KRT18: variants seen among roughly 807,000 people sequenced by gnomAD.
KRT18 encodes the protein keratin, type I cytoskeletal 18.
Under a neutral mutation model 39.9 loss-of-function variants are expected in KRT18, and 8 were observed. That is an observed-to-expected ratio of 0.20 (90% confidence interval 0.12 to 0.36). The LOEUF (loss-of-function observed/expected upper bound fraction) is 0.36, where lower values mean the gene tolerates loss of function less well. KRT18 is among the 10% of genes least tolerant of loss of function. The probability of loss-of-function intolerance (pLI) is 1.00; values close to 1 mark genes in which losing one functional copy is unlikely to be tolerated. For missense variants in KRT18, 396 were observed against 565.7 expected, an observed-to-expected ratio of 0.70 and a Z score of 3.04; for synonymous variants, 194 against 227.8, an observed-to-expected ratio of 0.85 and a Z score of 1.33.
rs1188380011 is a variant in KRT18 at position 52,949,430 on chromosome 12, G to C, written c.257G>C (p.Ser86Thr). 1 of 1,612,800 alleles carries C rather than the reference G, an allele frequency of 6.2e-7. No individual in the cohort carries two copies. Among genetic ancestry groups the C allele is most frequent in the Non-Finnish European group, 8.5e-7 (1 of 1,180,056 alleles). The change falls in exon 1 of 7, where the codon AGC becomes ACC. Residue 86 changes from serine to threonine, a missense_variant. Ser to Thr is a moderately conservative substitution (Grantham distance 58). Coordinates refer to ENST00000388835, the MANE Select transcript of KRT18 (RefSeq NM_000224.3). ...CAGAACGAGAAGGAGACCATGCAAA[G>C]CCTGAACGACCGCCTGGCCTCTTAC... ...GIQNEKETMQ[S>T]LNDRLASYLD...
intron 6 of KRT18, 74 bp downstream of exon 6, chr12:52,952,416 G>A: frequency 9.3e-7 from 1 of 1,072,378 alleles, no homozygotes; most frequent in Non-Finnish European, 1.4e-6. Context: ...GCTTTTGGAA[G>A]CACCCCATGT....
Position 52,949,259 on chromosome 12 carries a change from T to C in KRT18, c.86T>C (p.Val29Ala), listed in dbSNP as rs1942418545. Residue 29 changes from valine to alanine, a missense_variant, in exon 1 of 7, where the codon GTC becomes GCC. Val to Ala is a moderately conservative substitution (Grantham distance 64). Coordinates refer to ENST00000388835, the MANE Select transcript of KRT18 (RefSeq NM_000224.3). ...VQAPSYGARPVSSAASVYAGA... is the reference protein window; with the variant it reads ...VQAPSYGARPASSAASVYAGA... ...GCGCCCAGCTACGGCGCCCGGCCGG[T>C]CAGCAGCGCGGCCAGCGTCTATGCA... The C allele has an allele frequency of 1.2e-6, 2 of 1,611,130 alleles. No individual in the cohort carries two copies. Among genetic ancestry groups the C allele is most frequent in the Non-Finnish European group, 1.7e-6 (2 of 1,179,822 alleles).
intron 2 of KRT18, 68 bp downstream of exon 2, chr12:52,950,478 G>C: frequency 8.8e-7 from 1 of 1,134,918 alleles, no homozygotes; most frequent in South Asian, 1.2e-5. Context: ...CCCCAGGCTG[G>C]GTCAGTTAGG....
rs764524275 is a variant in KRT18, at chr12:52,952,839, T to C, written c.1290T>C (p.His430=). Residue 430 remains histidine (H), a synonymous_variant, in exon 7 of 7, where the codon CAT becomes CAC. Coordinates refer to ENST00000388835, the MANE Select transcript of KRT18 (RefSeq NM_000224.3). The part of the protein sequence containing the change: ...SETNDTKVLR[H] ...CCAATGACACCAAAGTTCTGAGGCA[T>C]TAAGCCAGCAGAAGCAGGGTACCCT... The C allele has an allele frequency of 1.2e-6, 2 of 1,607,974 alleles. No individual in the cohort carries two copies. Among genetic ancestry groups the C allele is most frequent in the East Asian group, 4.5e-5 (2 of 44,882 alleles).
chr12:52,951,568 A>G lies in KRT18; in HGVS notation c.745A>G (p.Met249Val), dbSNP rs1037179254. The change falls in exon 4 of 7, where the codon ATG (methionine) becomes GTG (valine). Residue 249 changes from methionine to valine, a missense_variant. Met to Val is a conservative substitution (Grantham distance 21). Coordinates refer to ENST00000388835, the MANE Select transcript of KRT18 (RefSeq NM_000224.3). ...CAAATCTCAGGACCTCGCCAAGATC[A>G]TGGCAGACATCCGGGCCCAATATGA... ...APKSQDLAKIMADIRAQYDEL... is the reference protein window; with the variant it reads ...APKSQDLAKIVADIRAQYDEL... The G allele has an allele frequency of 6.2e-7, 1 of 1,614,168 alleles. No individual in the cohort carries two copies. The highest frequency in any genetic ancestry group is 8.5e-7 in the Non-Finnish European group (1 of 1,180,020).
chr12:52,951,275 G>T (rs1439263305), intron 3 of KRT18, among the ~76,000 whole-genome samples: 1 of 152,178 alleles, frequency 6.6e-6, no homozygotes, highest in East Asian at 1.9e-4. Flanking sequence ...ACAGGGTGAA[G>T]TTACAGAGAA....
Position 52,949,125 on chromosome 12 carries a change from C to T in KRT18, c.-49C>T, listed in dbSNP as rs1430428555. On this transcript the variant is annotated 5_prime_UTR_variant, in exon 1 of 7. Coordinates refer to ENST00000388835, the MANE Select transcript of KRT18 (RefSeq NM_000224.3). ...GTCGCGCGGCTCGCGCAGGCCGCCACCGTCGTCCGCAAAGCCTGAGTCCTG... is the reference window on the plus strand; with the variant it reads ...GTCGCGCGGCTCGCGCAGGCCGCCATCGTCGTCCGCAAAGCCTGAGTCCTG... 2.2e-6 allele frequency: 3 copies of T among 1,353,416 alleles called. No individual in the cohort carries two copies. The highest frequency in any genetic ancestry group is 3.0e-5 in the East Asian group (1 of 32,920). The allele number at this position is 1,353,416 out of a possible 1,614,324, so 83.8% of individuals were successfully genotyped here.
Position 52,951,052 on chromosome 12 carries a change from G to A in KRT18, c.657+146G>A, listed in dbSNP as rs566008498. 314 of 736,558 alleles carry A rather than the reference G, an allele frequency of 4.3e-4. 1 individual carries two copies. In the African/African-American group the frequency reaches 5.2e-3, roughly 12 times the overall value. The allele number at this position is 736,558 out of a possible 1,614,324, so 45.6% of individuals were successfully genotyped here. On this transcript the variant is annotated intron_variant, in intron 3 of 6. Coordinates refer to ENST00000388835, the MANE Select transcript of KRT18 (RefSeq NM_000224.3). Reference sequence around the variant, plus strand: ...GGCTCTTCTTAAATAAGACCGTTCTGATGAAGAGCATTCTCAGGGGGTCGA... The same window carrying A: ...GGCTCTTCTTAAATAAGACCGTTCTAATGAAGAGCATTCTCAGGGGGTCGA...
chr12:52,952,165 C>A lies in KRT18; in HGVS notation c.995C>A (p.Ala332Asp). Residue 332 changes from alanine (A) to aspartate (D), a missense_variant, in exon 6 of 7, where the codon GCC (alanine) becomes GAC (aspartate). By Grantham distance (126) the Ala-to-Asp change is moderately radical. Coordinates refer to ENST00000388835, the MANE Select transcript of KRT18 (RefSeq NM_000224.3). ...CTGAGGGAGGTGGAGGCCCGCTACG[C>A]CCTACAGATGGAGCAGCTCAACGGG... ...NSLREVEARYALQMEQLNGIL... is the reference protein window; with the variant it reads ...NSLREVEARYDLQMEQLNGIL... The A allele has an allele frequency of 6.3e-7, 1 of 1,579,082 alleles. No individual in the cohort carries two copies. Among genetic ancestry groups the A allele is most frequent in the Non-Finnish European group, 8.6e-7 (1 of 1,162,400 alleles).
intron 1 of KRT18, 135 bp from the exon 2 acceptor site, chr12:52,950,192 AG>A (rs1863034698): frequency 1.3e-6 from 1 of 767,830 alleles, no homozygotes; most frequent in African/African-American, 1.7e-5. Context: ...GAAAAGGGAT[AG>A]GTGTCCAGGG....
In KRT18 at chr12:52,949,441, C is replaced by G; in HGVS notation, c.268C>G (p.Arg90Gly). The stretch of plus-strand genomic sequence containing the variant: ...GGAGACCATGCAAAGCCTGAACGAC[C>G]GCCTGGCCTCTTACCTGGACAGAGT... Reference protein sequence around the residue: ...EKETMQSLNDRLASYLDRVRS... With the variant: ...EKETMQSLNDGLASYLDRVRS... The change falls in exon 1 of 7, where the codon CGC becomes GGC. Residue 90 changes from arginine to glycine, a missense_variant. By Grantham distance (125) the Arg-to-Gly change is moderately radical. Coordinates refer to ENST00000388835, the MANE Select transcript of KRT18 (RefSeq NM_000224.3). The G allele has an allele frequency of 6.6e-7, 1 of 1,520,288 alleles. No individual in the cohort carries two copies. 94.2% of individuals were successfully genotyped at this position (1,520,288 alleles called of 1,614,324 possible). A position where few individuals can be genotyped will look rare whatever the true frequency, so the allele number is the denominator to read the frequency against.
chr12:52,951,396 C>T (rs976690989), intron 3 of KRT18, 85 bp from the exon 4 acceptor site: 3 of 1,367,472 alleles, frequency 2.2e-6, no homozygotes, highest in African/African-American at 2.9e-5. Context: ...AACTGTAGGC[C>T]TCCTAGAAGA....
chr12:52,952,155 G>A lies in KRT18; in HGVS notation c.985G>A (p.Ala329Thr). The A allele has an allele frequency of 1.3e-6, 2 of 1,570,452 alleles. No individual in the cohort carries two copies. The highest frequency in any genetic ancestry group is 1.7e-6 in the Non-Finnish European group (2 of 1,157,538). ...GGAGAACAGCCTGAGGGAGGTGGAGGCCCGCTACGCCCTACAGATGGAGCA... is the reference window on the plus strand; with the variant it reads ...GGAGAACAGCCTGAGGGAGGTGGAGACCCGCTACGCCCTACAGATGGAGCA... ...SLENSLREVE[A>T]RYALQMEQLN... The change falls in exon 6 of 7, where the codon GCC becomes ACC. Residue 329 changes from alanine (A) to threonine (T), a missense_variant. Coordinates refer to ENST00000388835, the MANE Select transcript of KRT18 (RefSeq NM_000224.3).
intron 6 of KRT18, 112 bp downstream of exon 6, chr12:52,952,454 T>G: frequency 2.4e-6 from 2 of 840,278 alleles, no homozygotes; most frequent in South Asian, 2.9e-5. Context: ...CACTGAGCAC[T>G]GGGCCGTTGC....
upstream of KRT18, chr12:52,948,901 C>A: frequency 2.3e-6 from 1 of 434,382 alleles, no homozygotes; most frequent in South Asian, 8.4e-5. Context: ...CACCTGCTGT[C>A]CGTGTCCATG....
chr12:52,951,921 A>C, intron 5 of KRT18, 65 bp downstream of exon 5: 2 of 1,589,658 alleles, frequency 1.3e-6, no homozygotes, highest in Non-Finnish European at 1.7e-6. Flanking sequence ...ACCCTGTCTC[A>C]ACCCAAATCC....
rs1942470761 is a variant in KRT18 at position 52,950,782 on chromosome 12, T to C, written c.533T>C (p.Val178Ala). ...YETELAMRQS[V>A]ENDIHGLRKV... ...ACAGAGCTGGCCATGCGCCAGTCTG[T>C]GGAGAACGACATCCATGGGCTCCGC... The change falls in exon 3 of 7, where the codon GTG becomes GCG. Residue 178 changes from valine to alanine, a missense_variant. Coordinates refer to ENST00000388835, the MANE Select transcript of KRT18 (RefSeq NM_000224.3). The C allele has an allele frequency of 6.2e-7, 1 of 1,611,104 alleles. No homozygotes were observed. Among genetic ancestry groups the C allele is most frequent in the African/African-American group, 1.3e-5 (1 of 74,916 alleles).
upstream of KRT18, chr12:52,949,093 A>T (rs1565736981): frequency 6.6e-6 from 9 of 1,366,052 alleles, no homozygotes; most frequent in Non-Finnish European, 9.4e-6. Context: ...TCTGCGATAT[A>T]ACTCGGGTCG....
chr12:52,950,244 G>A (rs1942455938), intron 1 of KRT18, 84 bp from the exon 2 acceptor site: 8 of 981,242 alleles, frequency 8.2e-6, no homozygotes, highest in East Asian at 2.4e-5. Flanking sequence ...GTTTTCACTA[G>A]GATACATAAC....
Sources: allele counts gnomAD v4.1 joint callset (sites outside exome capture counted in the v4.1 genomes callset), GRCh38; gene constraint gnomAD v4.1.1; transcripts MANE v1.5; gene names NCBI Gene and HGNC (gene_info 2026-07-23, HGNC 2026-07-21).